The following MYL2 variants were observed in gnomAD, a reference collection of about 807,000 sequenced individuals.
MYL2 encodes myosin regulatory light chain 2, ventricular/cardiac muscle isoform.
Under a neutral mutation model 23.0 loss-of-function variants are expected in MYL2, and 19 were observed. The ratio of observed to expected loss-of-function variants is 0.83; its 90% CI spans 0.58 to 1.21. MYL2 has a LOEUF of 1.21. Among genes scored for constraint, MYL2 ranks in the 50% most tolerant of loss-of-function variants. The pLI is 0.00. For missense variants in MYL2, 180 were observed against 215.1 expected (o/e 0.84, Z 1.02); for synonymous variants, 78 against 76.2 (o/e 1.02, Z -0.13).
Position 110,916,883 on chromosome 12 carries a change from A to C in MYL2, c.94-1093T>G, listed in dbSNP as rs2071690909. 2.0e-5 allele frequency among the ~76,000 whole-genome samples: 3 copies of C among 152,134 alleles called. No homozygotes were observed. The South Asian group carries it at 6.2e-4, about 32-fold the overall frequency. On this transcript the variant is annotated intron_variant, in intron 2 of 6. Coordinates refer to ENST00000228841, the MANE Select transcript of MYL2 (RefSeq NM_000432.4). ...TTTATTTTTGAGAAAGAGTCTTGCT[A>C]TGTCACCCAGGCCGCAGTGCAGTGG...
In MYL2 at chr12:110,918,840, G is replaced by A; in HGVS notation, c.93+264C>T. 1 of 482,576 alleles carries A rather than the reference G, an allele frequency of 2.1e-6. No homozygotes were observed. Among genetic ancestry groups the A allele is most frequent in the Non-Finnish European group, 3.7e-6 (1 of 267,354 alleles). 29.9% of individuals were successfully genotyped at this position (482,576 alleles called of 1,614,324 possible). On this transcript the variant is annotated intron_variant, in intron 2 of 6. Coordinates refer to ENST00000228841, the MANE Select transcript of MYL2 (RefSeq NM_000432.4). The surrounding 1 kb of genome is among the most constrained non-coding windows in gnomAD (Gnocchi z 4.4). Reference sequence around the variant, plus strand: ...TTATCTCTGGGTAATAGAATTGTAGGTAGTTTTTATTTCCTTTTCTGTGCT... The same window carrying A: ...TTATCTCTGGGTAATAGAATTGTAGATAGTTTTTATTTCCTTTTCTGTGCT...
intron 3 of MYL2, 131 bp from the exon 4 acceptor site, chr12:110,914,421 G>A: frequency 7.0e-6 from 5 of 719,352 alleles, no homozygotes; most frequent in South Asian, 5.9e-5. Context: ...GTGGATGGAG[G>A]CAAAGATCTT....
chr12:110,915,829 A>C, intron 2 of MYL2, 39 bp from the exon 3 acceptor site: 1 of 1,584,164 alleles, frequency 6.3e-7, no homozygotes. Context: ...GCCTGGGAGA[A>C]ACTGGCAGAG....
At chr12:110,917,532 G>A (rs1405535846) in intron 2 of MYL2, among the ~76,000 whole-genome samples, 2 of 151,710 alleles carry the variant, frequency 1.3e-5, no homozygotes, top group Non-Finnish European at 1.5e-5. Flanking sequence ...GACCAAATGG[G>A]GAATCCTGGC....
At chr12:110,920,670 C>A (rs1009652184), upstream of MYL2, 5 of 1,279,822 alleles carry the variant, frequency 3.9e-6, no homozygotes, top group African/African-American at 7.3e-5. Context: ...GTGAGGCGGG[C>A]ACCACCTAAG....
intron 3 of MYL2, 148 bp from the exon 4 acceptor site, chr12:110,914,438 G>T: frequency 2.9e-6 from 2 of 679,910 alleles, no homozygotes; most frequent in Non-Finnish European, 5.4e-6. Flanking sequence ...TCTTTTCTGA[G>T]AAGATGTTCT....
upstream of MYL2, chr12:110,920,608 A>G: frequency 6.2e-7 from 1 of 1,606,136 alleles, no homozygotes; most frequent in Non-Finnish European, 8.5e-7. Flanking sequence ...AACAATAAAT[A>G]CTTCCTCCCC....
At chr12:110,920,085 C>T (rs745482631) in intron 1 of MYL2, among the ~76,000 whole-genome samples, 2 of 152,178 alleles carry the variant, frequency 1.3e-5, no homozygotes, top group Admixed American at 6.5e-5. Flanking sequence ...TGGGGACTGC[C>T]CACTTCAGGA....
chr12:110,921,186 C>T (rs1180762582), upstream of MYL2, among the ~76,000 whole-genome samples: 1 of 152,176 alleles, frequency 6.6e-6, no homozygotes, highest in Non-Finnish European at 1.5e-5. Flanking sequence ...TAGGGAGATG[C>T]CTGTCTCTAC....
intron 2 of MYL2, among the ~76,000 whole-genome samples, chr12:110,916,712 G>C (rs569560014): frequency 6.6e-6 from 1 of 152,126 alleles, no homozygotes; most frequent in Non-Finnish European, 1.5e-5. Context: ...TTTCTTTCGG[G>C]GGTGATGGAA....
intron 1 of MYL2, 152 bp from the exon 2 acceptor site, chr12:110,919,345 G>A (rs2071706030): frequency 1.5e-5 from 10 of 649,010 alleles, no homozygotes; most frequent in Middle Eastern, 4.2e-4. Flanking sequence ...GTCTCCAAAC[G>A]GTGATGCTGG....
chr12:110,914,936 G>A (rs142268965), intron 3 of MYL2, among the ~76,000 whole-genome samples: 7 of 152,292 alleles, frequency 4.6e-5, no homozygotes, highest in Admixed American at 1.3e-4. Flanking sequence ...AGTTGGAGGC[G>A]GGAGAGACAG....
chr12:110,913,657 C>G (rs927217778), intron 4 of MYL2, among the ~76,000 whole-genome samples: 1 of 152,168 alleles, frequency 6.6e-6, no homozygotes, highest in Non-Finnish European at 1.5e-5. Flanking sequence ...AGCATACCTC[C>G]TAGTTGCTAT....
chr12:110,911,409 G>A (rs1451728365), intron 6 of MYL2, among the ~76,000 whole-genome samples: 1 of 152,188 alleles, frequency 6.6e-6, no homozygotes, highest in Non-Finnish European at 1.5e-5. Flanking sequence ...TGGTGTGGGG[G>A]TATAAAGGCA....
intron 2 of MYL2, among the ~76,000 whole-genome samples, chr12:110,917,838 C>T (rs1449765548): frequency 6.6e-6 from 1 of 152,036 alleles, no homozygotes; most frequent in African/African-American, 2.4e-5. Flanking sequence ...AATCCCAGCA[C>T]TTTGGGAGGT....
Position 110,918,388 on chromosome 12 carries a change from T to C in MYL2, c.93+716A>G, listed in dbSNP as rs2071699627. On this transcript the variant is annotated intron_variant, in intron 2 of 6. Transcript: ENST00000228841. The surrounding 1 kb of genome is among the most constrained non-coding windows in gnomAD (Gnocchi z 4.4). ...CACCTCTCAGACTGGCAAAAAAAAATTGTGACTATTAATACCCAGCGTTGA... is the reference window on the plus strand; with the variant it reads ...CACCTCTCAGACTGGCAAAAAAAAACTGTGACTATTAATACCCAGCGTTGA... Among the ~76,000 whole-genome samples, 1 of 151,812 alleles carries C rather than the reference T, an allele frequency of 6.6e-6. No homozygotes were observed.
At chr12:110,919,894 T>A (rs1194497910) in intron 1 of MYL2, among the ~76,000 whole-genome samples, 1 of 152,216 alleles carries the variant, frequency 6.6e-6, no homozygotes, top group African/African-American at 2.4e-5. Flanking sequence ...CATCCCCATT[T>A]TACAGGAGAG....
At chr12:110,921,100 TG>T (rs2071722767), upstream of MYL2, among the ~76,000 whole-genome samples, 1 of 152,178 alleles carries the variant, frequency 6.6e-6, no homozygotes, top group African/African-American at 2.4e-5. Flanking sequence ...GGCTCATGCC[TG>T]AAATCCCAGC....
chr12:110,919,662 TG>T (rs921059961), intron 1 of MYL2, among the ~76,000 whole-genome samples: 5 of 152,172 alleles, frequency 3.3e-5, no homozygotes, highest in African/African-American at 1.2e-4. Context: ...AAAACCCAAC[TG>T]CGCCCCACAC....
Sources: gnomAD v4.1 joint callset for allele counts (sites outside exome capture counted in the v4.1 genomes callset) on GRCh38, gnomAD v4.1.1 for gene constraint, Gnocchi (gnomAD v3.1) non-coding constraint, MANE v1.5 for transcripts, NCBI Gene and HGNC (gene_info 2026-07-23, HGNC 2026-07-21) for gene names.